Variants in NMRK1 observed in about 807,000 individuals in gnomAD.
NMRK1 encodes the protein NRK 1.
A neutral mutation model predicts 29.9 loss-of-function variants in NMRK1; 28 were observed. That is an observed-to-expected ratio of 0.94 (90% CI 0.69 to 1.28). The LOEUF (loss-of-function observed/expected upper bound fraction) is 1.28, where lower values mean the gene tolerates loss of function less well. Ranked by LOEUF, NMRK1 falls within the 50% of genes most tolerant of loss-of-function variation. The pLI, the probability that NMRK1 is intolerant of heterozygous loss-of-function variation, is 0.00. For missense variants in NMRK1, 218 were observed against 233.1 expected, an observed-to-expected ratio of 0.94 and a Z score of 0.42; for synonymous variants, 58 against 73.0, an observed-to-expected ratio of 0.79 and a Z score of 1.05.
At chr9:75,078,484 T>C in intron 2 of NMRK1, 2 of 1,432,658 alleles carry the variant, frequency 1.4e-6, no homozygotes, top group Non-Finnish European at 9.2e-7. Flanking sequence ...GTTACTCCTC[T>C]TTAGATCTAG....
At chr9:75,080,686 G>A (rs988353368) in intron 2 of NMRK1, among the ~76,000 whole-genome samples, 1 of 152,208 alleles carries the variant, frequency 6.6e-6, no homozygotes, top group Non-Finnish European at 1.5e-5. Context: ...GGTGGGGCCT[G>A]CTGGCAGGTG....
intron 2 of NMRK1, chr9:75,078,632 T>C (rs1824148304): frequency 9.9e-7 from 1 of 1,008,618 alleles, no homozygotes; most frequent in Non-Finnish European, 1.3e-6. Context: ...AAAAAAATTA[T>C]ACCTTTATTT....
intron 2 of NMRK1, among the ~76,000 whole-genome samples, chr9:75,080,841 C>T (rs139947308): frequency 7.9e-5 from 12 of 152,244 alleles, no homozygotes; most frequent in Admixed American, 2.6e-4. Context: ...CTCCTTCTTC[C>T]GCCATGTGAC....
At chr9:75,077,666 C>T (rs1250919904) in intron 2 of NMRK1, 86 bp from the exon 3 acceptor site, 32 of 917,192 alleles carry the variant, frequency 3.5e-5, no homozygotes, top group Non-Finnish European at 4.0e-5. Context: ...GACAGGGTCT[C>T]GCTGTGTCAC....
At chr9:75,064,496 GC>G (rs1252761221) in intron 8 of NMRK1, among the ~76,000 whole-genome samples, 1 of 152,154 alleles carries the variant, frequency 6.6e-6, no homozygotes, top group African/African-American at 2.4e-5. Context: ...ATTATGGAAG[GC>G]CTGACTTTCA....
chr9:75,086,908 G>GTTTTTT (rs10652376), intron 1 of NMRK1, among the ~76,000 whole-genome samples: 1 of 143,184 alleles, frequency 7.0e-6, no homozygotes, highest in African/African-American at 2.6e-5. Flanking sequence ...TCAAGGCTGG[G>GTTTTTT]TTTTTTTTTT....
intron 2 of NMRK1, among the ~76,000 whole-genome samples, 155 bp from the exon 3 acceptor site, chr9:75,077,735 A>C (rs541222522): frequency 6.6e-6 from 1 of 152,168 alleles, no homozygotes; most frequent in East Asian, 1.9e-4. Flanking sequence ...TCATGGGTTC[A>C]AGTGATTCTC....
chr9:75,085,512 C>T (rs1824564392), intron 1 of NMRK1, among the ~76,000 whole-genome samples: 1 of 149,664 alleles, frequency 6.7e-6, no homozygotes, highest in Admixed American at 6.7e-5. Context: ...TTGCTGTGCA[C>T]ACAGAATGGA....
chr9:75,087,220 C>T (rs774317844), intron 1 of NMRK1, among the ~76,000 whole-genome samples: 2 of 152,090 alleles, frequency 1.3e-5, no homozygotes, highest in Non-Finnish European at 2.9e-5. Context: ...GCAATTCATG[C>T]CCCTCCCCCA....
At chr9:75,062,107 A>G (rs938543751) in intron 8 of NMRK1, among the ~76,000 whole-genome samples, 1 of 152,202 alleles carries the variant, frequency 6.6e-6, no homozygotes, top group African/African-American at 2.4e-5. Flanking sequence ...CTTTGACTAC[A>G]TAAGTGACAC....
chr9:75,068,005 C>T (rs1433301341), intron 7 of NMRK1, among the ~76,000 whole-genome samples: 6 of 152,164 alleles, frequency 3.9e-5, no homozygotes, highest in Non-Finnish European at 8.8e-5. Flanking sequence ...TGCTTACCTC[C>T]AAATTGCTAC....
chr9:75,078,236 C>T, intron 2 of NMRK1: 2 of 1,517,446 alleles, frequency 1.3e-6, no homozygotes, highest in Non-Finnish European at 1.8e-6. Flanking sequence ...CATTTTAGTG[C>T]AAGTGTATAA....
intron 4 of NMRK1, 68 bp downstream of exon 4, chr9:75,077,091 G>T: frequency 1.1e-6 from 1 of 943,342 alleles, no homozygotes; most frequent in South Asian, 1.5e-5. Flanking sequence ...TCAACATAGT[G>T]AAGTTCTTTG....
At chr9:75,070,576 C>T (rs749312711) in intron 4 of NMRK1, among the ~76,000 whole-genome samples, 1 of 152,136 alleles carries the variant, frequency 6.6e-6, no homozygotes, top group Non-Finnish European at 1.5e-5. Context: ...ACATACTTCT[C>T]GAGTTAATTG....
At chr9:75,075,599 A>G (rs988515997) in intron 4 of NMRK1, among the ~76,000 whole-genome samples, 2 of 152,228 alleles carry the variant, frequency 1.3e-5, no homozygotes, top group Non-Finnish European at 2.9e-5. Flanking sequence ...CAAATATTAA[A>G]CTGCCTATTA....
At position 75,082,977 on chromosome 9, in the gene NMRK1, C is replaced by G; in HGVS notation, c.29+110G>C. The stretch of plus-strand genomic sequence containing the variant: ...ATATTCCACAGTGGTCTGCTCTTCC[C>G]CAGGACTCTGGAATCCTCACTGCTT... On this transcript the variant is annotated intron_variant, in intron 2 of 8. Transcript: ENST00000361092. 4.9e-6 allele frequency: 4 copies of G among 811,744 alleles called. No homozygotes were observed. The Admixed American group carries it at 7.5e-5, about 15-fold the overall frequency. The allele number at this position is 811,744 out of a possible 1,614,324, so 50.3% of individuals were successfully genotyped here. A position where few individuals can be genotyped will look rare whatever the true frequency, so the allele number is the denominator to read the frequency against.
intron 4 of NMRK1, among the ~76,000 whole-genome samples, chr9:75,076,076 A>G (rs978426975): frequency 6.6e-6 from 1 of 152,258 alleles, no homozygotes; most frequent in Non-Finnish European, 1.5e-5. Context: ...ATTACCAGGT[A>G]TATATCCAAA....
At chr9:75,078,639 A>G in intron 2 of NMRK1, 1 of 926,830 alleles carries the variant, frequency 1.1e-6, no homozygotes, top group Non-Finnish European at 1.4e-6. Context: ...TTATACCTTT[A>G]TTTTCATTGA....
chr9:75,065,466 GTAGC>G, intron 8 of NMRK1, among the ~76,000 whole-genome samples: 1 of 152,200 alleles, frequency 6.6e-6, no homozygotes, highest in South Asian at 2.1e-4. Flanking sequence ...ACTGTGCTTG[GTAGC>G]TAATTTTTAA....
Sources: gnomAD v4.1 joint callset for allele counts (sites outside exome capture counted in the v4.1 genomes callset) on GRCh38, gnomAD v4.1.1 for gene constraint, MANE v1.5 for transcripts, NCBI Gene and HGNC (gene_info 2026-07-23, HGNC 2026-07-21) for gene names.